Variants in DENND5B observed in about 807,000 individuals in gnomAD.
DENND5B encodes the protein DENN domain containing 5B, also known as DENN domain-containing protein 5B.
In DENND5B, 34 loss-of-function variants were observed where a neutral mutation model predicts 140.6. The ratio of observed to expected loss-of-function variants is 0.24; its 90% CI spans 0.18 to 0.32. DENND5B has a LOEUF of 0.32. Ranked by LOEUF, DENND5B falls within the 10% of genes least tolerant of loss-of-function variation. DENND5B has a pLI of 1.00. For synonymous variants in DENND5B, 551 were observed against 562.1 expected, an observed-to-expected ratio of 0.98 and a Z score of 0.28; for missense variants, 1,142 against 1,560.2, an observed-to-expected ratio of 0.73 and a Z score of 4.52.
At chr12:31,478,226 C>T (rs757754410) in intron 3 of DENND5B, among the ~76,000 whole-genome samples, 10 of 152,190 alleles carry the variant, frequency 6.6e-5, no homozygotes, top group East Asian at 5.8e-4. Context: ...ACCTTGTGAA[C>T]GGCTGTCAAC....
intron 1 of DENND5B, among the ~76,000 whole-genome samples, chr12:31,503,475 G>T (rs1212466461): frequency 6.6e-6 from 1 of 152,130 alleles, no homozygotes; most frequent in African/African-American, 2.4e-5. Flanking sequence ...TGGGAGGATG[G>T]CTTGAACCCA....
intron 9 of DENND5B, 99 bp from the exon 10 acceptor site, chr12:31,424,786 C>A: frequency 1.4e-6 from 2 of 1,452,074 alleles, no homozygotes; most frequent in East Asian, 2.3e-5. Flanking sequence ...CTTCATTATA[C>A]TTCTATTTGC....
chr12:31,494,429 G>A (rs140318570), intron 2 of DENND5B, among the ~76,000 whole-genome samples: 1,946 of 152,142 alleles, frequency 0.013, 90 homozygotes, highest in Admixed American at 0.081. Context: ...GGAGAACAGG[G>A]TCTGGAGGCA....
chr12:31,532,757 T>C (rs898667534), intron 1 of DENND5B, among the ~76,000 whole-genome samples: 2 of 152,194 alleles, frequency 1.3e-5, no homozygotes, highest in Admixed American at 6.5e-5. Flanking sequence ...ACTAGTTAGA[T>C]TGTGGTACCA....
chr12:31,442,450 A>G (rs1190737747), intron 7 of DENND5B, among the ~76,000 whole-genome samples: 1 of 152,232 alleles, frequency 6.6e-6, no homozygotes, highest in Non-Finnish European at 1.5e-5. Context: ...CACAGATGAT[A>G]AAGGTCTAAC....
rs1225464799 is a variant in DENND5B at position 31,590,896 on chromosome 12, C to G, written c.-64G>C. 2 of 1,171,186 alleles carry G rather than the reference C, an allele frequency of 1.7e-6. No homozygotes were observed. Among genetic ancestry groups the G allele is most frequent in the Admixed American group, 4.7e-5 (1 of 21,254 alleles). The allele number at this position is 1,171,186 out of a possible 1,614,324, so 72.5% of individuals were successfully genotyped here. A position where few individuals can be genotyped will look rare whatever the true frequency, so the allele number is the denominator to read the frequency against. On this transcript the variant is annotated 5_prime_UTR_variant, in exon 1 of 21. Transcript: ENST00000389082. ...CCGGGAAGGCTTTCTGCGGAGGCTG[C>G]CACCACCGCTCCGGCTGTGGTCTGT...
chr12:31,552,761 T>G (rs1301530421), intron 1 of DENND5B, among the ~76,000 whole-genome samples: 1 of 152,230 alleles, frequency 6.6e-6, no homozygotes, highest in Non-Finnish European at 1.5e-5. Context: ...TATTGGTCTA[T>G]TCAGAGATTC....
At chr12:31,477,846 A>G (rs1311048565) in intron 3 of DENND5B, 2 of 221,542 alleles carry the variant, frequency 9.0e-6, no homozygotes, top group Non-Finnish European at 2.0e-5. Flanking sequence ...AAGTGGTTTA[A>G]CAGTCAGTAA....
chr12:31,506,591 C>G (rs1197234613), intron 1 of DENND5B, among the ~76,000 whole-genome samples: 1 of 152,188 alleles, frequency 6.6e-6, no homozygotes, highest in East Asian at 1.9e-4. Flanking sequence ...CAGACACCAG[C>G]CACACTTTGG....
intron 3 of DENND5B, among the ~76,000 whole-genome samples, chr12:31,470,873 A>G (rs186733631): frequency 3.2e-4 from 49 of 152,232 alleles, no homozygotes; most frequent in African/African-American, 9.6e-4. Context: ...GGAATTAGGA[A>G]CCTTTAATTC....
chr12:31,499,565 G>A, intron 1 of DENND5B: 2 of 1,403,076 alleles, frequency 1.4e-6, no homozygotes, highest in South Asian at 1.6e-5. Flanking sequence ...TTAAAATAAT[G>A]ATTTATAATA....
intron 2 of DENND5B, among the ~76,000 whole-genome samples, chr12:31,490,051 T>C (rs1946464268): frequency 6.6e-6 from 1 of 152,052 alleles, no homozygotes; most frequent in Non-Finnish European, 1.5e-5. Flanking sequence ...TAACTGATTA[T>C]ATATGGGAGA....
intron 3 of DENND5B, among the ~76,000 whole-genome samples, chr12:31,461,820 A>C (rs1945035036): frequency 6.6e-6 from 1 of 152,190 alleles, no homozygotes; most frequent in South Asian, 2.1e-4. Context: ...ACTGTGAACA[A>C]ACACAGTAAA....
At chr12:31,579,704 G>C (rs923090884) in intron 1 of DENND5B, among the ~76,000 whole-genome samples, 4 of 122,650 alleles carry the variant, frequency 3.3e-5, no homozygotes, top group Non-Finnish European at 4.9e-5. Flanking sequence ...AGGAGAAAGA[G>C]AGAAAGAGTG....
chr12:31,462,144 G>A (rs1004876143), intron 3 of DENND5B, among the ~76,000 whole-genome samples: 1 of 152,024 alleles, frequency 6.6e-6, no homozygotes, highest in African/African-American at 2.4e-5. Context: ...TCAGTCATAC[G>A]AGCACAAAGA....
chr12:31,463,346 T>C (rs1945109387), intron 3 of DENND5B, among the ~76,000 whole-genome samples: 1 of 152,140 alleles, frequency 6.6e-6, no homozygotes, highest in African/African-American at 2.4e-5. Flanking sequence ...TTTACAGTTA[T>C]AGACTATGAA....
At chr12:31,514,714 G>T (rs897893578) in intron 1 of DENND5B, among the ~76,000 whole-genome samples, 2 of 152,074 alleles carry the variant, frequency 1.3e-5, no homozygotes, top group Non-Finnish European at 2.9e-5. Flanking sequence ...CTACTCGGGA[G>T]GCTAGGGCAG....
intron 1 of DENND5B, 141 bp downstream of exon 1, chr12:31,590,565 G>C (rs1027742736): frequency 7.7e-6 from 8 of 1,044,082 alleles, no homozygotes; most frequent in Non-Finnish European, 7.6e-6. Context: ...TCGCGCCCGA[G>C]CGCCAGTTCG....
chr12:31,406,892 C>T (rs1036999262), intron 14 of DENND5B, among the ~76,000 whole-genome samples: 3 of 151,940 alleles, frequency 2.0e-5, no homozygotes, highest in Non-Finnish European at 2.9e-5. Context: ...CTCTGCCTCC[C>T]GGGTTCAAGT....
Sources: allele counts gnomAD v4.1 joint callset (sites outside exome capture counted in the v4.1 genomes callset), GRCh38; gene constraint gnomAD v4.1.1; transcripts MANE v1.5; gene names NCBI Gene and HGNC (gene_info 2026-07-23, HGNC 2026-07-21).